GUCY1A1: variants seen among roughly 807,000 people sequenced by gnomAD.
The protein encoded by GUCY1A1 is guanylate cyclase 1 soluble subunit alpha 1.
GUCY1A1 carries 48 observed loss-of-function variants against 64.5 expected under a neutral mutation model. That is an observed-to-expected ratio of 0.74 (90% CI 0.59 to 0.95). The LOEUF (loss-of-function observed/expected upper bound fraction) is 0.95. GUCY1A1 is among the 40% of genes least tolerant of loss of function. The probability of loss-of-function intolerance (pLI) is 0.00; values close to 1 mark genes in which losing one functional copy is unlikely to be tolerated. For missense variants in GUCY1A1, 804 were observed against 825.3 expected, an observed-to-expected ratio of 0.97 and a Z score of 0.32; for synonymous variants, 308 against 303.4, an observed-to-expected ratio of 1.02 and a Z score of -0.16.
intron 4 of GUCY1A1, among the ~76,000 whole-genome samples, chr4:155,706,966 G>T (rs1449574971): frequency 1.3e-5 from 2 of 152,168 alleles, no homozygotes; most frequent in African/African-American, 4.8e-5. Flanking sequence ...TAAAACAAGT[G>T]CAGTAATTGC....
At chr4:155,713,725 G>T in intron 7 of GUCY1A1, 142 bp downstream of exon 7, 1 of 789,422 alleles carries the variant, frequency 1.3e-6, no homozygotes, top group South Asian at 1.8e-5. Context: ...CAGGTATGGT[G>T]CATTCATTAT....
intron 3 of GUCY1A1, among the ~76,000 whole-genome samples, chr4:155,699,970 CTT>C: frequency 6.6e-6 from 1 of 152,130 alleles, no homozygotes; most frequent in East Asian, 1.9e-4. Context: ...CTAATGCAAA[CTT>C]ATCATTTCTA....
intron 8 of GUCY1A1, among the ~76,000 whole-genome samples, chr4:155,718,698 T>C (rs1733580332): frequency 6.6e-6 from 1 of 152,118 alleles, no homozygotes; most frequent in Non-Finnish European, 1.5e-5. Flanking sequence ...TGCCCTAATA[T>C]GTATTTTTTA....
At chr4:155,722,485 A>G in intron 9 of GUCY1A1, 1 of 1,134,148 alleles carries the variant, frequency 8.8e-7, no homozygotes, top group Non-Finnish European at 1.1e-6. Flanking sequence ...GTATGTTGAT[A>G]GGTGTTCTGA....
chr4:155,700,174 T>A (rs1319617971), intron 3 of GUCY1A1, among the ~76,000 whole-genome samples: 1 of 152,102 alleles, frequency 6.6e-6, no homozygotes, highest in Admixed American at 6.6e-5. Context: ...TTGAAGGAGC[T>A]TTTAATGGAG....
chr4:155,725,622 A>G (rs1734557790), intron 9 of GUCY1A1, among the ~76,000 whole-genome samples: 1 of 152,090 alleles, frequency 6.6e-6, no homozygotes, highest in Non-Finnish European at 1.5e-5. Flanking sequence ...TAACAGTATG[A>G]AACTAAACTT....
In GUCY1A1 at chr4:155,722,178, C is replaced by A. The variant is rs1452247826; in HGVS notation, c.1857C>A (p.Ser619Arg). The change falls in exon 9 of 10, where the codon AGC (serine) becomes AGA (arginine). Residue 619 changes from serine to arginine, a missense_variant. Ser to Arg is a moderately radical substitution (Grantham distance 110). Transcript: ENST00000506455. Reference protein sequence around the residue: ...SCSVPRKINVSPTTYRLLKDC... With the variant: ...SCSVPRKINVRPTTYRLLKDC... ...GTGTACCACGAAAAATCAATGTCAG[C>A]CCAACAACTTACAGGTAGTAATTAT... 6.2e-7 allele frequency: 1 copy of A among 1,612,224 alleles called. No individual in the cohort carries two copies. Among genetic ancestry groups the A allele is most frequent in the Non-Finnish European group, 8.5e-7 (1 of 1,178,734 alleles).
chr4:155,729,519 A>C (rs1417899925), intron 9 of GUCY1A1, among the ~76,000 whole-genome samples: 1 of 151,816 alleles, frequency 6.6e-6, no homozygotes, highest in Non-Finnish European at 1.5e-5. Flanking sequence ...ATTCATAAAA[A>C]TTCTATTGAA....
At chr4:155,693,584 C>T (rs1276893138) in intron 2 of GUCY1A1, among the ~76,000 whole-genome samples, 1 of 152,110 alleles carries the variant, frequency 6.6e-6, no homozygotes, top group African/African-American at 2.4e-5. Context: ...CTGCGTGCAT[C>T]TGCTTCATAG....
At chr4:155,726,712 G>A (rs1447931879) in intron 9 of GUCY1A1, among the ~76,000 whole-genome samples, 1 of 151,940 alleles carries the variant, frequency 6.6e-6, no homozygotes, top group Non-Finnish European at 1.5e-5. Flanking sequence ...TGTAATGACA[G>A]TTATACACTC....
At chr4:155,674,172 A>G (rs1734546866) in intron 2 of GUCY1A1, among the ~76,000 whole-genome samples, 1 of 151,156 alleles carries the variant, frequency 6.6e-6, no homozygotes, top group South Asian at 2.1e-4. Flanking sequence ...TGGCCAAGAC[A>G]GTGAAACTCC....
At position 155,735,429 on chromosome 4, in the gene GUCY1A1, AC is replaced by A. The variant is rs1341138099; in HGVS notation, c.*5199del. 6.6e-6 allele frequency: 1 copy of A among 151,994 alleles called. No individual in the cohort carries two copies. The highest frequency in any genetic ancestry group is 1.5e-5 in the Non-Finnish European group (1 of 67,932). The allele number at this position is 151,994 out of a possible 1,614,324, so 9.4% of individuals were successfully genotyped here. ...GAAAATGTTAATATCTTGGATTTAA[AC>A]ATTGGGGTAGAAATCAGGACAAAAT... On this transcript the variant is annotated 3_prime_UTR_variant, in exon 10 of 10. Coordinates refer to ENST00000506455, the MANE Select transcript of GUCY1A1 (RefSeq NM_001130682.3).
Position 155,730,049 on chromosome 4 carries a change from G to T in GUCY1A1, c.1891G>T (p.Gly631Cys). ...TTTCAGATTACTCAAAGACTGTCCTGGTTTCGTGTTTACCCCTCGATCAAG... is the reference window on the plus strand; with the variant it reads ...TTTCAGATTACTCAAAGACTGTCCTTGTTTCGTGTTTACCCCTCGATCAAG... The part of the protein sequence containing the change: ...TTYRLLKDCP[G>C]FVFTPRSREE... The change falls in exon 10 of 10, where the codon GGT becomes TGT. Residue 631 changes from glycine to cysteine, a missense_variant. Coordinates refer to ENST00000506455, the MANE Select transcript of GUCY1A1 (RefSeq NM_001130682.3). 1 of 1,603,882 alleles carries T rather than the reference G, an allele frequency of 6.2e-7. No homozygotes were observed. Among genetic ancestry groups the T allele is most frequent in the Non-Finnish European group, 8.5e-7 (1 of 1,171,444 alleles).
At chr4:155,675,497 C>A (rs192910913) in intron 2 of GUCY1A1, among the ~76,000 whole-genome samples, 1 of 151,576 alleles carries the variant, frequency 6.6e-6, no homozygotes, top group Non-Finnish European at 1.5e-5. Flanking sequence ...GGCTTCCCAG[C>A]GAAAACAAAC....
At chr4:155,691,900 A>G (rs1729787197) in intron 2 of GUCY1A1, among the ~76,000 whole-genome samples, 1 of 152,122 alleles carries the variant, frequency 6.6e-6, no homozygotes. Context: ...CCAGGTTTTA[A>G]GCCTAGTACC....
At chr4:155,706,087 C>T (rs1004595903) in intron 4 of GUCY1A1, among the ~76,000 whole-genome samples, 2 of 152,172 alleles carry the variant, frequency 1.3e-5, no homozygotes, top group Non-Finnish European at 2.9e-5. Context: ...GTGTTTCCAG[C>T]AGTGTGCCTC....
chr4:155,711,936 A>G (rs951910210), intron 6 of GUCY1A1, among the ~76,000 whole-genome samples: 7 of 152,246 alleles, frequency 4.6e-5, no homozygotes, highest in African/African-American at 1.4e-4. Flanking sequence ...AAAATGAGTA[A>G]TATTGAAAGG....
intron 2 of GUCY1A1, among the ~76,000 whole-genome samples, chr4:155,685,603 G>GTTTTTTTTTTTTTTTTTTTTT (rs70954055): frequency 9.2e-5 from 10 of 108,898 alleles, no homozygotes; most frequent in Admixed American, 4.7e-4. Flanking sequence ...TTCTCCTTGT[G>GTTTTTTTTTTTTTTTTTTTTT]TTTTTTTTTT....
At chr4:155,723,349 C>G (rs966378955) in intron 9 of GUCY1A1, among the ~76,000 whole-genome samples, 1 of 152,124 alleles carries the variant, frequency 6.6e-6, no homozygotes, top group Non-Finnish European at 1.5e-5. Context: ...ATCAGAAGAA[C>G]CTTTATTTTC....
Sources: gnomAD v4.1 joint callset for allele counts (sites outside exome capture counted in the v4.1 genomes callset) on GRCh38, gnomAD v4.1.1 for gene constraint, MANE v1.5 for transcripts, NCBI Gene and HGNC (gene_info 2026-07-23, HGNC 2026-07-21) for gene names.